ZC2HC1B: variants seen among roughly 807,000 people sequenced by gnomAD.
ZC2HC1B encodes the protein zinc finger C2HC domain-containing protein 1B.
A neutral mutation model predicts 31.0 loss-of-function variants in ZC2HC1B; 36 were observed. That is an observed-to-expected ratio of 1.16 (90% CI 0.89 to 1.54). ZC2HC1B has a LOEUF of 1.54. Ranked by LOEUF, ZC2HC1B falls within the 40% of genes most tolerant of loss-of-function variation. ZC2HC1B has a pLI of 0.00. For synonymous variants in ZC2HC1B, 73 were observed against 88.0 expected, an observed-to-expected ratio of 0.83 and a Z score of 0.95; for missense variants, 260 against 268.6, an observed-to-expected ratio of 0.97 and a Z score of 0.22.
intron 6 of ZC2HC1B, among the ~76,000 whole-genome samples, chr6:143,916,661 A>T (rs1215172755): frequency 6.6e-6 from 1 of 152,218 alleles, no homozygotes; most frequent in Non-Finnish European, 1.5e-5. Flanking sequence ...CCTGGATGTG[A>T]GATATGGAGT....
chr6:143,902,981 A>C, intron 5 of ZC2HC1B, 63 bp from the exon 6 acceptor site: 2 of 1,456,090 alleles, frequency 1.4e-6, no homozygotes, highest in Non-Finnish European at 1.9e-6. Context: ...TGTACCTCCT[A>C]TGTGGCACCT....
At position 143,905,458 on chromosome 6, in the gene ZC2HC1B, G is replaced by C. The variant is rs1257964170; in HGVS notation, c.598+2306G>C. Among the ~76,000 whole-genome samples, 1 of 152,118 alleles carries C rather than the reference G, an allele frequency of 6.6e-6. No homozygotes were observed. Among genetic ancestry groups the C allele is most frequent in the African/African-American group, 2.4e-5 (1 of 41,438 alleles). Reference sequence around the variant, plus strand: ...TATTGCTTCTAATAAGTTTTTTGGTGATATCTTTAGGATTTTCTGCTTATA... The same window carrying C: ...TATTGCTTCTAATAAGTTTTTTGGTCATATCTTTAGGATTTTCTGCTTATA... On this transcript the variant is annotated intron_variant, in intron 6 of 7. Transcript: ENST00000237275. This position sits in a 1 kb window ranked among gnomAD's most constrained non-coding sequence, Gnocchi z 4.2.
rs116678801 is a variant in ZC2HC1B, at chr6:143,893,632, A to C, written c.350-4920A>C. Among the ~76,000 whole-genome samples the C allele has an allele frequency of 3.9e-3, 595 of 152,284 alleles. 4 individuals are homozygous for C. Among genetic ancestry groups the C allele is most frequent in the African/African-American group, 0.014 (580 of 41,572 alleles). On this transcript the variant is annotated intron_variant, in intron 4 of 7. Coordinates refer to ENST00000237275, the MANE Select transcript of ZC2HC1B (RefSeq NM_001013623.3). ...ATGATGTGGACCAACTGGAAGTCTCATACACTGCTGATAGAAGTATAAAAC... is the reference window on the plus strand; with the variant it reads ...ATGATGTGGACCAACTGGAAGTCTCCTACACTGCTGATAGAAGTATAAAAC...
Position 143,922,098 on chromosome 6 carries a change from A to T in ZC2HC1B, c.599-15551A>T, listed in dbSNP as rs950702838. Among the ~76,000 whole-genome samples the T allele has an allele frequency of 3.3e-5, 5 of 152,220 alleles. No homozygotes were observed. The highest frequency in any genetic ancestry group is 1.2e-4 in the African/African-American group (5 of 41,458). On this transcript the variant is annotated intron_variant, in intron 6 of 7. Transcript: ENST00000237275. This position sits in a 1 kb window ranked among gnomAD's most constrained non-coding sequence, Gnocchi z 5.0. ...AAAGTACCAAATGCCTTTCGTTGAT[A>T]CAAACAAGCCCATGCATTAGTTAGA...
intron 6 of ZC2HC1B, among the ~76,000 whole-genome samples, chr6:143,904,553 G>A (rs1777772706): frequency 6.6e-6 from 1 of 152,132 alleles, no homozygotes; most frequent in Non-Finnish European, 1.5e-5. Flanking sequence ...GTAGAGATGA[G>A]TTCTCACTAT....
At position 143,922,363 on chromosome 6, in the gene ZC2HC1B, G is replaced by A. The variant is rs1371786763; in HGVS notation, c.599-15286G>A. Reference sequence around the variant, plus strand: ...TCTTTTCCAGTTATTCTGAAATATGGAATATATTGTTGTTAACTGCAGTCA... The same window carrying A: ...TCTTTTCCAGTTATTCTGAAATATGAAATATATTGTTGTTAACTGCAGTCA... On this transcript the variant is annotated intron_variant, in intron 6 of 7. Coordinates refer to ENST00000237275, the MANE Select transcript of ZC2HC1B (RefSeq NM_001013623.3). The surrounding 1 kb of genome is among the most constrained non-coding windows in gnomAD (Gnocchi z 5.0). Among the ~76,000 whole-genome samples the A allele has an allele frequency of 1.3e-5, 2 of 152,096 alleles. No individual in the cohort carries two copies. The highest frequency in any genetic ancestry group is 4.8e-5 in the African/African-American group (2 of 41,426).
At chr6:143,880,363 TG>T (rs1362818966) in intron 1 of ZC2HC1B, among the ~76,000 whole-genome samples, 3 of 152,268 alleles carry the variant, frequency 2.0e-5, no homozygotes, top group Admixed American at 6.5e-5. Context: ...GGCACTCATT[TG>T]TTCTGATTTT....
chr6:143,923,547 T>G lies in ZC2HC1B; in HGVS notation c.599-14102T>G, dbSNP rs1778004370. 6.6e-6 allele frequency among the ~76,000 whole-genome samples: 1 copy of G among 152,156 alleles called. No homozygotes were observed. Among genetic ancestry groups the G allele is most frequent in the Admixed American group, 6.5e-5 (1 of 15,288 alleles). On this transcript the variant is annotated intron_variant, in intron 6 of 7. Transcript: ENST00000237275. The surrounding 1 kb of genome is among the most constrained non-coding windows in gnomAD (Gnocchi z 4.8). ...TGCCTAGACCAATGTCTGAGAGCAT[T>G]TTCCCTATTTTCTTCTAGTAGTTTC...
chr6:143,920,852 G>C (rs1209530446), intron 6 of ZC2HC1B, among the ~76,000 whole-genome samples: 1 of 149,068 alleles, frequency 6.7e-6, no homozygotes, highest in African/African-American at 2.5e-5. Flanking sequence ...AGGTTACAGT[G>C]AGCCAAGATC....
intron 5 of ZC2HC1B, among the ~76,000 whole-genome samples, chr6:143,902,560 A>ATTC (rs1200111469): frequency 2.0e-5 from 3 of 152,120 alleles, no homozygotes; most frequent in African/African-American, 2.4e-5. Context: ...TAATGTAACT[A>ATTC]TTCTGCTGCT....
At chr6:143,880,043 T>C (rs916815656) in intron 1 of ZC2HC1B, among the ~76,000 whole-genome samples, 4 of 152,016 alleles carry the variant, frequency 2.6e-5, no homozygotes, top group Non-Finnish European at 4.4e-5. Flanking sequence ...CCCAGGCTGG[T>C]ATTGAACTCC....
chr6:143,919,938 G>A (rs1777968591), intron 6 of ZC2HC1B, among the ~76,000 whole-genome samples: 1 of 152,062 alleles, frequency 6.6e-6, no homozygotes. Context: ...ATTCTGACAA[G>A]TAATTAGTTT....
chr6:143,886,189 T>C lies in ZC2HC1B; in HGVS notation c.210+38T>C. ...TCTTCTTTAGTGTTTGTTATTACATTCTGCGGTACTGTAAGGCCTATTTCT... is the reference window on the plus strand; with the variant it reads ...TCTTCTTTAGTGTTTGTTATTACATCCTGCGGTACTGTAAGGCCTATTTCT... On this transcript the variant is annotated intron_variant, in intron 3 of 7. Transcript: ENST00000237275. This position sits in a 1 kb window ranked among gnomAD's most constrained non-coding sequence, Gnocchi z 4.2. 1 of 1,477,918 alleles carries C rather than the reference T, an allele frequency of 6.8e-7. No homozygotes were observed. The highest frequency in any genetic ancestry group is 2.6e-5 in the East Asian group (1 of 39,008). The allele number at this position is 1,477,918 out of a possible 1,614,324, so 91.6% of individuals were successfully genotyped here. A position where few individuals can be genotyped will look rare whatever the true frequency, so the allele number is the denominator to read the frequency against.
rs1030451766 is a variant in ZC2HC1B, at chr6:143,935,821, A to AT, written c.599-1820dup. 5.3e-5 allele frequency among the ~76,000 whole-genome samples: 8 copies of AT among 151,184 alleles called. No homozygotes were observed. The East Asian group carries it at 1.4e-3, about 26-fold the overall frequency. On this transcript the variant is annotated intron_variant, in intron 6 of 7. Transcript: ENST00000237275. ...AGGCATGTACCACCATACCCAGATAATTTTTTTTATTTGTAGAGGTGAGGT... is the reference window on the plus strand; with the variant it reads ...AGGCATGTACCACCATACCCAGATAATTTTTTTTTATTTGTAGAGGTGAGGT...
At chr6:143,879,207 A>G (rs1000800826) in intron 1 of ZC2HC1B, among the ~76,000 whole-genome samples, 1 of 152,090 alleles carries the variant, frequency 6.6e-6, no homozygotes, top group African/African-American at 2.4e-5. Flanking sequence ...GTTCTCCCTT[A>G]CTGTTAGTTT....
At position 143,887,377 on chromosome 6, in the gene ZC2HC1B, A is replaced by G. The variant is rs1777542687; in HGVS notation, c.349+556A>G. On this transcript the variant is annotated intron_variant, in intron 4 of 7. Coordinates refer to ENST00000237275, the MANE Select transcript of ZC2HC1B (RefSeq NM_001013623.3). This position sits in a 1 kb window ranked among gnomAD's most constrained non-coding sequence, Gnocchi z 5.1. Reference sequence around the variant, plus strand: ...CCTTTATCTTTTTTTCTTTGGCAGAACCATTTAAAAGTAAGTTCCAAGCAT... The same window carrying G: ...CCTTTATCTTTTTTTCTTTGGCAGAGCCATTTAAAAGTAAGTTCCAAGCAT... Among the ~76,000 whole-genome samples the G allele has an allele frequency of 6.6e-6, 1 of 152,214 alleles. No individual in the cohort carries two copies. Among genetic ancestry groups the G allele is most frequent in the Admixed American group, 6.5e-5 (1 of 15,276 alleles).
At chr6:143,877,833 G>A (rs1004358560) in intron 1 of ZC2HC1B, among the ~76,000 whole-genome samples, 2 of 150,332 alleles carry the variant, frequency 1.3e-5, no homozygotes, top group African/African-American at 2.5e-5. Flanking sequence ...ATATTTGCTA[G>A]TGGAATAATT....
intron 1 of ZC2HC1B, chr6:143,881,550 C>CAAAAAAAAAAAAAAAAAAAAAAAAAA (rs1174647223): frequency 2.9e-5 from 1 of 34,452 alleles, no homozygotes; most frequent in African/African-American, 9.0e-5. Context: ...GACCCTGTCT[C>CAAAAAAAAAAAAAAAAAAAAAAAAAA]AAAAAAAAAA....
Position 143,921,640 on chromosome 6 carries a change from T to A in ZC2HC1B, c.599-16009T>A, listed in dbSNP as rs1187613085. ...CTCTACTTGCTTAAGTAAAAAAATA[T>A]AATTGCTGGCTGGGTGTGGTGGCTC... On this transcript the variant is annotated intron_variant, in intron 6 of 7. Transcript: ENST00000237275. This position sits in a 1 kb window ranked among gnomAD's most constrained non-coding sequence, Gnocchi z 6.1. Among the ~76,000 whole-genome samples, 1 of 152,234 alleles carries A rather than the reference T, an allele frequency of 6.6e-6. No homozygotes were observed. The highest frequency in any genetic ancestry group is 1.9e-4 in the East Asian group (1 of 5,206).
Sources: allele counts gnomAD v4.1 joint callset (sites outside exome capture counted in the v4.1 genomes callset), GRCh38; gene constraint gnomAD v4.1.1; non-coding constraint Gnocchi (gnomAD v3.1); transcripts MANE v1.5; gene names NCBI Gene and HGNC (gene_info 2026-07-23, HGNC 2026-07-21).